The following DIXDC1 variants were observed in gnomAD, a reference collection of about 807,000 sequenced individuals.
DIXDC1 encodes the protein dixin.
In DIXDC1, 64 loss-of-function variants were observed where a neutral mutation model predicts 103.1. That is an observed-to-expected ratio of 0.62 (90% CI 0.51 to 0.76). The LOEUF is 0.76. Among genes scored for constraint, DIXDC1 ranks in the 30% least tolerant of loss-of-function variants. The probability of loss-of-function intolerance (pLI) is 0.00; values close to 1 mark genes in which losing one functional copy is unlikely to be tolerated. For synonymous variants in DIXDC1, 266 were observed against 298.5 expected, an observed-to-expected ratio of 0.89 and a Z score of 1.12; for missense variants, 759 against 834.2, an observed-to-expected ratio of 0.91 and a Z score of 1.11.
intron 1 of DIXDC1, among the ~76,000 whole-genome samples, chr11:111,961,417 G>A (rs587767805): frequency 1.3e-5 from 2 of 152,260 alleles, no homozygotes; most frequent in East Asian, 1.9e-4. Flanking sequence ...TTATTTCACC[G>A]TTTTGTGTCT....
Position 111,985,243 on chromosome 11 carries a change from C to T in DIXDC1, c.930C>T (p.Leu310=), listed in dbSNP as rs782397532. Residue 310 remains leucine (L), a synonymous_variant, in exon 8 of 20, where the codon CTC becomes CTT. Coordinates refer to ENST00000440460, the MANE Select transcript of DIXDC1 (RefSeq NM_001037954.4). ...TTGTGGTTATTCAGGCCTTACTGCT[C>T]AATGGATCCTTACCTGAAGATGAAC... ...KMISGLQALL[L]NGSLPEDEQE... The T allele has an allele frequency of 4.3e-6, 7 of 1,613,436 alleles. No individual in the cohort carries two copies. Among genetic ancestry groups the T allele is most frequent in the Non-Finnish European group, 5.9e-6 (7 of 1,179,626 alleles).
At chr11:111,969,942 T>A (rs1285029165) in intron 3 of DIXDC1, among the ~76,000 whole-genome samples, 2 of 152,188 alleles carry the variant, frequency 1.3e-5, no homozygotes, top group Non-Finnish European at 2.9e-5. Flanking sequence ...TCTTCACTGA[T>A]GATATGATTC....
chr11:111,937,556 T>A lies in DIXDC1; in HGVS notation c.57T>A (p.Asn19Lys). Reference sequence around the variant, plus strand: ...TGGACGTCCTGCAGGAGGGCTTCAATGAGGTAACTGTCCTGCTCCTCCCAC... The same window carrying A: ...TGGACGTCCTGCAGGAGGGCTTCAAAGAGGTAACTGTCCTGCTCCTCCCAC... ...NLLDVLQEGFNEQQLQAYVAW... is the reference protein window; with the variant it reads ...NLLDVLQEGFKEQQLQAYVAW... The change falls in exon 1 of 20, where the codon AAT (asparagine) becomes AAA (lysine). Residue 19 changes from asparagine to lysine, a missense_variant. By Grantham distance (94) the Asn-to-Lys change is moderately conservative. Coordinates refer to ENST00000440460, the MANE Select transcript of DIXDC1 (RefSeq NM_001037954.4). The A allele has an allele frequency of 6.3e-7, 1 of 1,591,222 alleles. No individual in the cohort carries two copies. The highest frequency in any genetic ancestry group is 1.3e-5 in the African/African-American group (1 of 74,470).
intron 1 of DIXDC1, among the ~76,000 whole-genome samples, chr11:111,942,112 A>G (rs1966439930): frequency 6.6e-6 from 1 of 152,228 alleles, no homozygotes; most frequent in South Asian, 2.1e-4. Flanking sequence ...AGATTCCCCA[A>G]CCTTCTTTTT....
rs1242084716 is a variant in DIXDC1 at position 111,962,053 on chromosome 11, A to G, written c.61-2496A>G. Among the ~76,000 whole-genome samples, 3 of 152,154 alleles carry G rather than the reference A, an allele frequency of 2.0e-5. No homozygotes were observed. In the East Asian group the frequency reaches 5.8e-4, roughly 29 times the overall value. On this transcript the variant is annotated intron_variant, in intron 1 of 19. Coordinates refer to ENST00000440460, the MANE Select transcript of DIXDC1 (RefSeq NM_001037954.4). ...AGCTGGGGCTTGTTGTAGCCTCATAACTGGGTACAGTGCCTCAAATTATTG... is the reference window on the plus strand; with the variant it reads ...AGCTGGGGCTTGTTGTAGCCTCATAGCTGGGTACAGTGCCTCAAATTATTG...
In DIXDC1 at chr11:112,019,117, T is replaced by C. The variant is rs1861682832; in HGVS notation, c.*81T>C. ...TCAGGAAAGGGAACTAAAACCAGAATACACTAAGAAGTTTCTAGTTTGTGT... is the reference window on the plus strand; with the variant it reads ...TCAGGAAAGGGAACTAAAACCAGAACACACTAAGAAGTTTCTAGTTTGTGT... On this transcript the variant is annotated 3_prime_UTR_variant, in exon 20 of 20. Coordinates refer to ENST00000440460, the MANE Select transcript of DIXDC1 (RefSeq NM_001037954.4). 1 of 1,219,850 alleles carries C rather than the reference T, an allele frequency of 8.2e-7. No homozygotes were observed. The highest frequency in any genetic ancestry group is 1.2e-6 in the Non-Finnish European group (1 of 846,352). The allele number at this position is 1,219,850 out of a possible 1,614,324, so 75.6% of individuals were successfully genotyped here.
At chr11:111,971,517 T>G (rs1555172061) in intron 3 of DIXDC1, among the ~76,000 whole-genome samples, 1 of 152,228 alleles carries the variant, frequency 6.6e-6, no homozygotes, top group African/African-American at 2.4e-5. Context: ...AATGTAACTT[T>G]GTCCAGCCAC....
upstream of DIXDC1, among the ~76,000 whole-genome samples, chr11:111,933,297 T>C (rs1966089414): frequency 6.6e-6 from 1 of 152,146 alleles, no homozygotes; most frequent in Admixed American, 6.5e-5. Flanking sequence ...CTCGGCTAAT[T>C]CTGTATTTTT....
chr11:111,938,228 G>A (rs199500364), intron 1 of DIXDC1, among the ~76,000 whole-genome samples: 1 of 152,196 alleles, frequency 6.6e-6, no homozygotes, highest in East Asian at 1.9e-4. Context: ...CCGACAAGGG[G>A]TCATTTCCTC....
At chr11:111,937,265 T>C (rs148194371), upstream of DIXDC1, 10,738 of 1,287,228 alleles carry the variant, frequency 8.3e-3, 57 homozygotes, top group Middle Eastern at 0.022. Flanking sequence ...GCGCGCCCAG[T>C]TGTTTCCATA....
chr11:111,974,223 T>TCAGG lies in DIXDC1; in HGVS notation c.518_521dup (p.Asp176ThrfsTer7). On this transcript the variant is annotated frameshift_variant, in exon 4 of 20. Coordinates refer to ENST00000440460, the MANE Select transcript of DIXDC1 (RefSeq NM_001037954.4). LOFTEE classifies it high-confidence loss of function. ...CGATGTGTGTCATGACATGTCCCGATCAGGACGGGATGTCTTTCGATATAG... is the reference window on the plus strand; with the variant it reads ...CGATGTGTGTCATGACATGTCCCGATCAGGCAGGACGGGATGTCTTTCGATATAG... 6.2e-7 allele frequency: 1 copy of TCAGG among 1,613,768 alleles called. No homozygotes were observed.
In DIXDC1 at chr11:111,977,358, G is replaced by C. The variant is rs759347761; in HGVS notation, c.656+2375G>C. ...ATCGCCGCTGGGGACTCGAGGCGCA[G>C]CCTGCGCCGCCGGGAGCCTCCCTCC... On this transcript the variant is annotated intron_variant, in intron 5 of 19. Coordinates refer to ENST00000440460, the MANE Select transcript of DIXDC1 (RefSeq NM_001037954.4). This position sits in a 1 kb window ranked among gnomAD's most constrained non-coding sequence, Gnocchi z 6.1. The C allele has an allele frequency of 1.2e-4, 132 of 1,068,920 alleles. No homozygotes were observed. Among genetic ancestry groups the C allele is most frequent in the Non-Finnish European group, 1.4e-4 (125 of 882,748 alleles). 66.2% of individuals were successfully genotyped at this position (1,068,920 alleles called of 1,614,324 possible).
At chr11:111,932,717 T>G (rs782004492), upstream of DIXDC1, among the ~76,000 whole-genome samples, 6 of 152,218 alleles carry the variant, frequency 3.9e-5, no homozygotes, top group Non-Finnish European at 8.8e-5. Flanking sequence ...CATTCTGTCT[T>G]TCTCCCTTCT....
intron 1 of DIXDC1, 107 bp from the exon 2 acceptor site, chr11:111,964,442 A>G: frequency 1.5e-6 from 2 of 1,301,464 alleles, no homozygotes; most frequent in South Asian, 1.4e-5. Flanking sequence ...GCTTCTGGAT[A>G]TGGGTTGTTT....
intron 4 of DIXDC1, 115 bp downstream of exon 4, chr11:111,974,369 G>C: frequency 9.8e-7 from 1 of 1,023,992 alleles, no homozygotes; most frequent in Non-Finnish European, 1.4e-6. Flanking sequence ...TTGCAGAAAA[G>C]AACATGGAGT....
At chr11:112,005,253 G>C (rs782249111) in intron 17 of DIXDC1, among the ~76,000 whole-genome samples, 24 of 152,060 alleles carry the variant, frequency 1.6e-4, no homozygotes, top group Non-Finnish European at 3.2e-4. Context: ...CTAATCAAAA[G>C]GAAGTGTGGT....
Position 111,974,990 on chromosome 11 carries a change from G to T in DIXDC1, c.656+7G>T. Reference sequence around the variant, plus strand: ...CTGAATCCAGCTGCTCCAGGTAACTGTGGCCTCTGAAACCTGAATTCTGGA... The same window carrying T: ...CTGAATCCAGCTGCTCCAGGTAACTTTGGCCTCTGAAACCTGAATTCTGGA... On this transcript the variant is annotated splice_region_variant and intron_variant, in intron 5 of 19. Transcript: ENST00000440460. 1 of 1,607,586 alleles carries T rather than the reference G, an allele frequency of 6.2e-7. No individual in the cohort carries two copies. Among genetic ancestry groups the T allele is most frequent in the African/African-American group, 1.3e-5 (1 of 74,908 alleles).
chr11:112,003,879 C>T (rs955454973), intron 17 of DIXDC1, among the ~76,000 whole-genome samples: 18 of 151,460 alleles, frequency 1.2e-4, no homozygotes, highest in African/African-American at 3.4e-4. Context: ...ATTGTATGCA[C>T]GTATCAAAAT....
At chr11:111,937,130 G>GGT, upstream of DIXDC1, 8 of 677,344 alleles carry the variant, frequency 1.2e-5, no homozygotes, top group African/African-American at 3.0e-5. Context: ...TGCGGCCCGG[G>GGT]CGGGGGGGGG....
Sources: gnomAD v4.1 joint callset for allele counts (sites outside exome capture counted in the v4.1 genomes callset) on GRCh38, gnomAD v4.1.1 for gene constraint, Gnocchi (gnomAD v3.1) non-coding constraint, MANE v1.5 for transcripts, NCBI Gene and HGNC (gene_info 2026-07-23, HGNC 2026-07-21) for gene names.